DNAH9: variants seen among roughly 807,000 people sequenced by gnomAD.
DNAH9 encodes dynein axonemal heavy chain 9, also known as DNAH9 variant protein.
In DNAH9, 345 loss-of-function variants were observed where a neutral mutation model predicts 471.6. That is an observed-to-expected ratio of 0.73 (90% CI 0.67 to 0.80). The LOEUF is 0.80. DNAH9 is among the 30% of genes least tolerant of loss of function. DNAH9 has a pLI of 0.00. For missense variants in DNAH9, 5,407 were observed against 5,609.2 expected, an observed-to-expected ratio of 0.96 and a Z score of 1.15; for synonymous variants, 2,093 against 2,123.6, an observed-to-expected ratio of 0.99 and a Z score of 0.40.
Position 11,757,563 on chromosome 17 carries a change from C to T in DNAH9, c.6866C>T (p.Pro2289Leu), listed in dbSNP as rs773384248. Reference protein sequence around the residue: ...VSRAGILYINPADLGWNPPVS... With the variant: ...VSRAGILYINLADLGWNPPVS... ...CTCACAGGGATCTTGTACATCAACC[C>T]GGCAGACTTGGGATGGAACCCTCCA... The change falls in exon 35 of 69, where the codon CCG (proline) becomes CTG (leucine). Residue 2289 changes from proline to leucine, a missense_variant. Pro to Leu is a moderately conservative substitution (Grantham distance 98, BLOSUM62 -3). Coordinates refer to ENST00000262442, the MANE Select transcript of DNAH9 (RefSeq NM_001372.4). 6.8e-6 allele frequency: 11 copies of T among 1,613,408 alleles called. No individual in the cohort carries two copies. Among genetic ancestry groups the T allele is most frequent in the East Asian group, 2.2e-5 (1 of 44,892 alleles).
intron 1 of DNAH9, among the ~76,000 whole-genome samples, chr17:11,603,934 G>A (rs2072441376): frequency 1.3e-5 from 2 of 151,998 alleles, no homozygotes; most frequent in Admixed American, 1.3e-4. Context: ...TCCTGGAAAC[G>A]CTTTCTTCTT....
intron 41 of DNAH9, among the ~76,000 whole-genome samples, chr17:11,786,267 A>T (rs546479146): frequency 6.6e-6 from 1 of 152,102 alleles, no homozygotes; most frequent in South Asian, 2.1e-4. Flanking sequence ...ACCCTTTGGG[A>T]TAGACATTGT....
intron 42 of DNAH9, among the ~76,000 whole-genome samples, chr17:11,796,470 C>G (rs1185017373): frequency 6.6e-6 from 1 of 152,210 alleles, no homozygotes. Context: ...TTCTTACACC[C>G]AGGCAGCAGC....
At position 11,807,710 on chromosome 17, in the gene DNAH9, G is replaced by A. The variant is rs969590469; in HGVS notation, c.8421-22G>A. ...GCAGAAAGTCTGATCAAAGCAACAT[G>A]TGCCTGCTTCCTTCTCTTTAGCTGC... On this transcript the variant is annotated intron_variant, in intron 43 of 68. Coordinates refer to ENST00000262442, the MANE Select transcript of DNAH9 (RefSeq NM_001372.4). 1.4e-5 allele frequency: 22 copies of A among 1,593,392 alleles called. No homozygotes were observed. In the Admixed American group the frequency reaches 3.7e-4, roughly 27 times the overall value.
intron 49 of DNAH9, among the ~76,000 whole-genome samples, chr17:11,836,668 G>T (rs1341353810): frequency 6.6e-6 from 1 of 152,014 alleles, no homozygotes; most frequent in Non-Finnish European, 1.5e-5. Flanking sequence ...CTCATTTAGG[G>T]TCCCTCTCCA....
chr17:11,824,926 CT>C (rs1367066862), intron 48 of DNAH9, among the ~76,000 whole-genome samples: 10 of 152,002 alleles, frequency 6.6e-5, no homozygotes, highest in African/African-American at 2.2e-4. Context: ...CCTCCTCCCC[CT>C]CCTTCTTCTT....
intron 66 of DNAH9, among the ~76,000 whole-genome samples, chr17:11,938,539 C>T (rs1429065579): frequency 6.6e-6 from 1 of 151,384 alleles, no homozygotes; most frequent in Non-Finnish European, 1.5e-5. Flanking sequence ...TAACCAACTT[C>T]CTAAAGATGT....
At chr17:11,805,886 C>T (rs1379926728) in intron 43 of DNAH9, among the ~76,000 whole-genome samples, 9 of 151,934 alleles carry the variant, frequency 5.9e-5, no homozygotes, top group African/African-American at 1.9e-4. Flanking sequence ...AAATGTTTCA[C>T]GCATCCAGAC....
intron 67 of DNAH9, among the ~76,000 whole-genome samples, chr17:11,950,085 A>T (rs570095623): frequency 6.6e-6 from 1 of 152,350 alleles, no homozygotes; most frequent in Admixed American, 6.5e-5. Context: ...TTATTTTTAG[A>T]GTAACTTTAA....
chr17:11,822,812 G>A lies in DNAH9; in HGVS notation c.9024G>A (p.Lys3008=). The change falls in exon 48 of 69, where the codon AAG becomes AAA. Residue 3008 remains lysine (K), a synonymous_variant. Coordinates refer to ENST00000262442, the MANE Select transcript of DNAH9 (RefSeq NM_001372.4). ...QNTEGIEPTV[K]QSISKFMAFV... The stretch of plus-strand genomic sequence containing the variant: ...CTCTTTGGTTTTAGCCCACAGTAAA[G>A]CAGTCGATTAGCAAATTCATGGCCT... 6.2e-7 allele frequency: 1 copy of A among 1,614,220 alleles called. No individual in the cohort carries two copies. Among genetic ancestry groups the A allele is most frequent in the Non-Finnish European group, 8.5e-7 (1 of 1,180,038 alleles).
intron 59 of DNAH9, among the ~76,000 whole-genome samples, chr17:11,896,828 C>T (rs1164238272): frequency 2.0e-5 from 3 of 152,312 alleles, no homozygotes; most frequent in East Asian, 1.9e-4. Flanking sequence ...CGGTGGCTCA[C>T]GTCTGTAATT....
chr17:11,745,427 T>C (rs545102720), intron 31 of DNAH9, among the ~76,000 whole-genome samples: 95 of 152,264 alleles, frequency 6.2e-4, no homozygotes, highest in Non-Finnish European at 1.1e-3. Context: ...CACTCAATCC[T>C]ACTATCCTGG....
At position 11,843,863 on chromosome 17, in the gene DNAH9, G is replaced by GTGTGTGTATA. The variant is rs1253794533; in HGVS notation, c.9507+8966_9507+8967insGTGTGTATAT. Among the ~76,000 whole-genome samples, 444 of 46,476 alleles carry GTGTGTGTATA rather than the reference G, an allele frequency of 9.6e-3. 5 individuals are homozygous for GTGTGTGTATA. The highest frequency in any genetic ancestry group is 0.029 in the Middle Eastern group (1 of 34). 30.5% of individuals were successfully genotyped at this position (46,476 alleles called of 152,430 possible). ...TGTTTGTGTGTGTGTGTGTGTGTGT[G>GTGTGTGTATA]TATATATATATATATATATATATAT... is the stretch of plus-strand genomic sequence containing the variant. On this transcript the variant is annotated intron_variant, in intron 49 of 68. Transcript: ENST00000262442.
At chr17:11,789,864 C>A (rs115880089) in intron 41 of DNAH9, among the ~76,000 whole-genome samples, 322 of 152,078 alleles carry the variant, frequency 2.1e-3, no homozygotes, top group African/African-American at 7.5e-3. Flanking sequence ...TTAGCTACAT[C>A]ATGCAAGCTT....
intron 49 of DNAH9, among the ~76,000 whole-genome samples, chr17:11,851,558 G>T (rs985578700): frequency 1.3e-4 from 20 of 152,174 alleles, no homozygotes; most frequent in African/African-American, 4.6e-4. Flanking sequence ...AGCCTAGTGA[G>T]AAAAGGAGAA....
At chr17:11,767,275 A>C (rs1350783769) in intron 36 of DNAH9, among the ~76,000 whole-genome samples, 1 of 152,170 alleles carries the variant, frequency 6.6e-6, no homozygotes, top group Admixed American at 6.5e-5. Flanking sequence ...AAGGTCTTGA[A>C]GCGTATTATC....
chr17:11,610,969 T>G (rs1227109261), intron 3 of DNAH9, among the ~76,000 whole-genome samples: 2 of 152,156 alleles, frequency 1.3e-5, no homozygotes, highest in Non-Finnish European at 2.9e-5. Flanking sequence ...CAGAACAGCC[T>G]TTCCTGTGTT....
At chr17:11,822,146 C>A (rs1970330147) in intron 46 of DNAH9, 84 bp downstream of exon 46, 1 of 1,480,800 alleles carries the variant, frequency 6.8e-7, no homozygotes. Flanking sequence ...CACAACTGTC[C>A]TTATTGATTG....
rs73290885 is a variant in DNAH9, at chr17:11,709,858, A to G, written c.5552+4673A>G. 2.0e-3 allele frequency among the ~76,000 whole-genome samples: 301 copies of G among 152,248 alleles called. 1 individual carries two copies. Among genetic ancestry groups the G allele is most frequent in the African/African-American group, 6.7e-3 (279 of 41,540 alleles). On this transcript the variant is annotated intron_variant, in intron 26 of 68. Coordinates refer to ENST00000262442, the MANE Select transcript of DNAH9 (RefSeq NM_001372.4). ...TACTGTTTTAATCAACTGCTTATCAATGTTGAGTACCCCTTAATTTCTCAG... is the reference window on the plus strand; with the variant it reads ...TACTGTTTTAATCAACTGCTTATCAGTGTTGAGTACCCCTTAATTTCTCAG...
Sources: gnomAD v4.1 joint callset for allele counts (sites outside exome capture counted in the v4.1 genomes callset) on GRCh38, gnomAD v4.1.1 for gene constraint, MANE v1.5 for transcripts, NCBI Gene and HGNC (gene_info 2026-07-23, HGNC 2026-07-21) for gene names.